Variants in ARHGAP32 observed in about 807,000 individuals in gnomAD.
The protein encoded by ARHGAP32 is rho GTPase-activating protein 32.
In ARHGAP32, 51 loss-of-function variants were observed where a neutral mutation model predicts 186.5. That is an observed-to-expected ratio of 0.27 (90% CI 0.22 to 0.35). The LOEUF is 0.35. Among genes scored for constraint, ARHGAP32 ranks in the 10% least tolerant of loss-of-function variants. The probability of loss-of-function intolerance (pLI) is 1.00; values close to 1 mark genes in which losing one functional copy is unlikely to be tolerated. For synonymous variants in ARHGAP32, 950 were observed against 964.3 expected (o/e 0.99, Z 0.27); for missense variants, 2,186 against 2,623.5 (o/e 0.83, Z 3.64).
At chr11:129,151,462 C>A (rs1483346240) in intron 2 of ARHGAP32, among the ~76,000 whole-genome samples, 1 of 151,906 alleles carries the variant, frequency 6.6e-6, no homozygotes, top group Non-Finnish European at 1.5e-5. Flanking sequence ...CAAGATAGAC[C>A]AATGATAGGT....
chr11:129,228,007 A>G (rs1321804481), intron 1 of ARHGAP32, among the ~76,000 whole-genome samples: 1 of 152,150 alleles, frequency 6.6e-6, no homozygotes. Flanking sequence ...GATACATTTA[A>G]AAGGACTGAA....
At chr11:128,991,632 A>G (rs1299922331) in intron 12 of ARHGAP32, among the ~76,000 whole-genome samples, 7 of 152,226 alleles carry the variant, frequency 4.6e-5, no homozygotes, top group African/African-American at 1.4e-4. Flanking sequence ...CAGTCAAAAT[A>G]TAACATTAGA....
chr11:129,237,609 T>C (rs1341588350), intron 1 of ARHGAP32, among the ~76,000 whole-genome samples: 1 of 152,066 alleles, frequency 6.6e-6, no homozygotes, highest in Non-Finnish European at 1.5e-5. Flanking sequence ...ATTACGTGGA[T>C]CTAGGCAGAT....
chr11:129,034,094 A>G (rs1939224585), intron 11 of ARHGAP32, among the ~76,000 whole-genome samples: 2 of 152,202 alleles, frequency 1.3e-5, no homozygotes, highest in South Asian at 2.1e-4. Flanking sequence ...TCAGTCATCA[A>G]TTTCTACATA....
At chr11:129,044,297 C>A (rs942688340) in intron 10 of ARHGAP32, among the ~76,000 whole-genome samples, 1 of 152,124 alleles carries the variant, frequency 6.6e-6, no homozygotes, top group African/African-American at 2.4e-5. Flanking sequence ...ACTAAATGGT[C>A]TAGTAACAAC....
At chr11:129,029,020 TA>T (rs1284741149) in intron 11 of ARHGAP32, among the ~76,000 whole-genome samples, 1 of 152,204 alleles carries the variant, frequency 6.6e-6, no homozygotes, top group Non-Finnish European at 1.5e-5. Flanking sequence ...AGTTTGGGGA[TA>T]TTTTTTATGC....
intron 2 of ARHGAP32, among the ~76,000 whole-genome samples, chr11:129,143,624 A>AAACTAGATGTTTATTTTGAAACT (rs1943109355): frequency 1.3e-5 from 2 of 152,086 alleles, no homozygotes; most frequent in African/African-American, 4.8e-5. Flanking sequence ...TAATAGCCCC[A>AAACTAGATGTTTATTTTGAAACT]AAGCACAAGA....
In ARHGAP32 at chr11:129,120,981, G is replaced by C. The variant is rs186097640; in HGVS notation, c.444+2465C>G. On this transcript the variant is annotated intron_variant, in intron 5 of 22. Transcript: ENST00000682385. Reference sequence around the variant, plus strand: ...AGTTTTCTTACTTGTTTTCTCTTCAGAACATATTCCAACCTTATATTGAAA... The same window carrying C: ...AGTTTTCTTACTTGTTTTCTCTTCACAACATATTCCAACCTTATATTGAAA... 1.1e-3 allele frequency among the ~76,000 whole-genome samples: 169 copies of C among 152,090 alleles called. 2 individuals carry two copies. The highest frequency in any genetic ancestry group is 3.2e-3 in the Admixed American group (49 of 15,276).
intron 10 of ARHGAP32, among the ~76,000 whole-genome samples, chr11:129,054,115 A>G (rs1404024215): frequency 6.6e-6 from 1 of 152,152 alleles, no homozygotes; most frequent in Non-Finnish European, 1.5e-5. Flanking sequence ...ATACTTGTGC[A>G]CGAAAACTCA....
At chr11:128,978,223 A>T (rs1300932828) in intron 19 of ARHGAP32, among the ~76,000 whole-genome samples, 1 of 152,206 alleles carries the variant, frequency 6.6e-6, no homozygotes, top group East Asian at 1.9e-4. Flanking sequence ...ACATTATCTA[A>T]GAAGTACTAC....
intron 10 of ARHGAP32, among the ~76,000 whole-genome samples, chr11:129,044,177 T>C (rs1413453172): frequency 2.0e-5 from 3 of 152,220 alleles, no homozygotes; most frequent in Non-Finnish European, 4.4e-5. Flanking sequence ...TGTGTTTTAG[T>C]TTCTTCGTCT....
intron 11 of ARHGAP32, among the ~76,000 whole-genome samples, chr11:129,018,664 G>A (rs775323851): frequency 3.4e-4 from 51 of 152,108 alleles, no homozygotes; most frequent in Non-Finnish European, 6.8e-4. Context: ...AGTTAAATTA[G>A]TGTAAGCTTA....
chr11:129,240,453 T>C (rs1945000612), intron 1 of ARHGAP32, among the ~76,000 whole-genome samples: 1 of 152,158 alleles, frequency 6.6e-6, no homozygotes, highest in African/African-American at 2.4e-5. Flanking sequence ...AGTAGGCCCA[T>C]CTCAAGTAAT....
At chr11:129,071,956 CA>C (rs1322864996) in intron 6 of ARHGAP32, among the ~76,000 whole-genome samples, 1 of 151,766 alleles carries the variant, frequency 6.6e-6, no homozygotes, top group Admixed American at 6.6e-5. Flanking sequence ...ATAAGCCTGG[CA>C]AAAAAAGACA....
chr11:129,038,084 G>A (rs1446429217), intron 11 of ARHGAP32, among the ~76,000 whole-genome samples: 1 of 151,872 alleles, frequency 6.6e-6, no homozygotes, highest in Admixed American at 6.6e-5. Flanking sequence ...CTGGGTGACA[G>A]AGCAAGACTC....
chr11:129,068,896 T>C (rs1565406304), intron 6 of ARHGAP32, among the ~76,000 whole-genome samples: 1 of 152,112 alleles, frequency 6.6e-6, no homozygotes, highest in Non-Finnish European at 1.5e-5. Flanking sequence ...TAAAACTTTA[T>C]TTCCTTCTTT....
At chr11:129,181,963 G>C (rs1029936914) in intron 1 of ARHGAP32, among the ~76,000 whole-genome samples, 1 of 152,004 alleles carries the variant, frequency 6.6e-6, no homozygotes. Flanking sequence ...TTATTCATAT[G>C]TATGAAAAAA....
chr11:128,988,102 T>G lies in ARHGAP32; in HGVS notation c.1219A>C (p.Thr407Pro). 1.2e-6 allele frequency: 2 copies of G among 1,612,908 alleles called. No individual in the cohort carries two copies. The highest frequency in any genetic ancestry group is 3.3e-5 in the Admixed American group (2 of 59,984). ...FEVPQVLQSC[T>P]AFIERYGIVD... ...ATGCCATATCTCTCAATGAATGCTG[T>G]GCAGCTTTGAAGAACCTGCGGCACT... The change falls in exon 13 of 23, where the codon ACA (threonine) becomes CCA (proline). Residue 407 changes from threonine to proline, a missense_variant. By Grantham distance (38) the Thr-to-Pro change is conservative. Transcript: ENST00000682385.
chr11:129,141,793 T>A (rs564843215), intron 2 of ARHGAP32, among the ~76,000 whole-genome samples: 99 of 151,988 alleles, frequency 6.5e-4, no homozygotes, highest in African/African-American at 2.4e-3. Context: ...AAAGCCTCTT[T>A]TTTTTTTCTT....
Sources: gnomAD v4.1 joint callset for allele counts (sites outside exome capture counted in the v4.1 genomes callset) on GRCh38, gnomAD v4.1.1 for gene constraint, MANE v1.5 for transcripts, NCBI Gene and HGNC (gene_info 2026-07-23, HGNC 2026-07-21) for gene names.